KRCC1: variants seen among roughly 807,000 people sequenced by gnomAD.
KRCC1 encodes lysine-rich coiled-coil protein 1.
A neutral mutation model predicts 7.4 loss-of-function variants in KRCC1; 3 were observed. The ratio of observed to expected loss-of-function variants is 0.40; its 90% CI spans 0.18 to 1.04. The LOEUF is 1.04. Among genes scored for constraint, KRCC1 ranks in the 50% least tolerant of loss-of-function variants. KRCC1 has a pLI of 0.33. For missense variants in KRCC1, 277 were observed against 300.9 expected (o/e 0.92, Z 0.59); for synonymous variants, 102 against 101.6 (o/e 1.00, Z -0.02).
intron 3 of KRCC1, 79 bp downstream of exon 3, chr2:88,034,055 T>C (rs766683648): frequency 1.3e-5 from 2 of 152,632 alleles, no homozygotes; most frequent in African/African-American, 2.4e-5. Context: ...GAAGACATTA[T>C]GCTATGTGAA....
chr2:88,028,372 T>C lies in KRCC1; in HGVS notation c.192A>G (p.Pro64=), dbSNP rs756001754. ...PTYRMFDQRL[P]SETIQTYPRS... ...TTGGGTAGGTCTGGATGGTTTCAGA[T>C]GGGAGTCTCTGGTCAAACATTCTAT... The change falls in exon 4 of 4, where the codon CCA becomes CCG. Residue 64 remains proline, a synonymous_variant. Coordinates refer to ENST00000347055, the MANE Select transcript of KRCC1 (RefSeq NM_016618.3). 7.4e-6 allele frequency: 12 copies of C among 1,614,164 alleles called. No homozygotes were observed. In the South Asian group the frequency reaches 1.2e-4, roughly 16 times the overall value.
chr2:88,027,675 A>T lies in KRCC1; in HGVS notation c.*109T>A. 2.2e-6 allele frequency: 2 copies of T among 912,862 alleles called. No homozygotes were observed. The highest frequency in any genetic ancestry group is 1.6e-6 in the Non-Finnish European group (1 of 610,910). The allele number at this position is 912,862 out of a possible 1,614,324, so 56.5% of individuals were successfully genotyped here. ...CTTTGTTTACTAGGCCTTTGTTAGA[A>T]GTTAAAGAACCTATTCACATAAGAA... On this transcript the variant is annotated 3_prime_UTR_variant, in exon 4 of 4. Coordinates refer to ENST00000347055, the MANE Select transcript of KRCC1 (RefSeq NM_016618.3).
intron 1 of KRCC1, among the ~76,000 whole-genome samples, chr2:88,042,993 CTTT>C (rs972357048): frequency 6.6e-6 from 1 of 152,140 alleles, no homozygotes; most frequent in African/African-American, 2.4e-5. Flanking sequence ...AATTCAGCAT[CTTT>C]TTTAACACTA....
intron 3 of KRCC1, 57 bp from the exon 4 acceptor site, chr2:88,028,642 C>CTTTT (rs1419047999): frequency 1.9e-5 from 13 of 682,180 alleles, no homozygotes; most frequent in East Asian, 1.8e-4. Context: ...ATTTCCTTTG[C>CTTTT]TCTTTTTTTT....
At chr2:88,028,664 T>TTTTTTTTTTTTTTTTTTTTTTC (rs60603649) in intron 3 of KRCC1, 79 bp from the exon 4 acceptor site, 1 of 712,272 alleles carries the variant, frequency 1.4e-6, no homozygotes. Flanking sequence ...TTTTTTTTTT[T>TTTTTTTTTTTTTTTTTTTTTTC]CTTGAGATGG....
chr2:88,030,376 C>T (rs201131919), intron 3 of KRCC1, among the ~76,000 whole-genome samples: 1 of 151,124 alleles, frequency 6.6e-6, no homozygotes, highest in Non-Finnish European at 1.5e-5. Context: ...CTAAATGAAG[C>T]CTAATTTGGC....
In KRCC1 at chr2:88,053,052, G is replaced by C. The variant is rs536892049; in HGVS notation, c.-291+2574C>G. On this transcript the variant is annotated intron_variant, in intron 1 of 3. Transcript: ENST00000347055. Reference sequence around the variant, plus strand: ...GATTCTGTCTCTTGGAATTATGATTGGCTCTTCTCCCTCTCTGCTCAATGA... The same window carrying C: ...GATTCTGTCTCTTGGAATTATGATTCGCTCTTCTCCCTCTCTGCTCAATGA... Among the ~76,000 whole-genome samples, 18 of 151,646 alleles carry C rather than the reference G, an allele frequency of 1.2e-4. No homozygotes were observed. In the South Asian group the frequency reaches 3.8e-3, roughly 32 times the overall value.
At chr2:88,039,425 G>GCCT (rs1673158985) in intron 1 of KRCC1, among the ~76,000 whole-genome samples, 1 of 152,168 alleles carries the variant, frequency 6.6e-6, no homozygotes, top group African/African-American at 2.4e-5. Flanking sequence ...GATGGCTCAT[G>GCCT]CCTGTAATCC....
intron 1 of KRCC1, among the ~76,000 whole-genome samples, chr2:88,046,480 C>T (rs1387401046): frequency 6.6e-6 from 1 of 152,152 alleles, no homozygotes; most frequent in Non-Finnish European, 1.5e-5. Flanking sequence ...AGATGTTCTC[C>T]CAACCAATTA....
intron 2 of KRCC1, among the ~76,000 whole-genome samples, chr2:88,035,679 G>C (rs1004510266): frequency 7.2e-5 from 11 of 152,122 alleles, no homozygotes; most frequent in African/African-American, 2.7e-4. Context: ...GTAGGGAAAA[G>C]GACACTAACA....
At chr2:88,046,801 G>C (rs887359746) in intron 1 of KRCC1, among the ~76,000 whole-genome samples, 1 of 151,934 alleles carries the variant, frequency 6.6e-6, no homozygotes, top group African/African-American at 2.4e-5. Context: ...CTCCCCAGTA[G>C]CTGGGACTAC....
At chr2:88,052,673 C>T (rs1673519430) in intron 1 of KRCC1, among the ~76,000 whole-genome samples, 1 of 152,220 alleles carries the variant, frequency 6.6e-6, no homozygotes, top group African/African-American at 2.4e-5. Flanking sequence ...AAGCTAGGTG[C>T]ACACGACTAC....
intron 1 of KRCC1, among the ~76,000 whole-genome samples, chr2:88,039,290 T>C (rs1673155434): frequency 6.6e-6 from 1 of 152,224 alleles, no homozygotes; most frequent in South Asian, 2.1e-4. Context: ...CTAATCTTAA[T>C]ATTAATGCCA....
chr2:88,030,824 T>G (rs1298377626), intron 3 of KRCC1, among the ~76,000 whole-genome samples: 1 of 152,206 alleles, frequency 6.6e-6, no homozygotes, highest in Non-Finnish European at 1.5e-5. Context: ...GATACAGTCA[T>G]GCACTGCATA....
intron 1 of KRCC1, among the ~76,000 whole-genome samples, chr2:88,049,456 G>C (rs1168425241): frequency 7.2e-5 from 11 of 152,136 alleles, no homozygotes; most frequent in Admixed American, 6.5e-4. Context: ...GACCAGCCTA[G>C]GCAACATGGT....
chr2:88,046,340 A>G (rs1007025730), intron 1 of KRCC1, among the ~76,000 whole-genome samples: 2 of 152,222 alleles, frequency 1.3e-5, no homozygotes, highest in African/African-American at 4.8e-5. Context: ...ATATACCTCA[A>G]AAAGTTGTGG....
At chr2:88,038,981 G>A (rs1673149352) in intron 1 of KRCC1, among the ~76,000 whole-genome samples, 1 of 152,124 alleles carries the variant, frequency 6.6e-6, no homozygotes, top group Admixed American at 6.6e-5. Flanking sequence ...TATTAGACAC[G>A]CTGCTTCAGT....
At chr2:88,040,297 C>T (rs1001015350) in intron 1 of KRCC1, among the ~76,000 whole-genome samples, 2 of 152,176 alleles carry the variant, frequency 1.3e-5, no homozygotes, top group African/African-American at 4.8e-5. Flanking sequence ...CATTTTCCTC[C>T]TGAGTCATGT....
intron 1 of KRCC1, among the ~76,000 whole-genome samples, chr2:88,039,764 C>G (rs1331383512): frequency 2.0e-5 from 3 of 151,912 alleles, no homozygotes; most frequent in African/African-American, 7.3e-5. Context: ...TTACATTTGA[C>G]TCTAAGGTCA....
Sources: allele counts gnomAD v4.1 joint callset (sites outside exome capture counted in the v4.1 genomes callset), GRCh38; gene constraint gnomAD v4.1.1; transcripts MANE v1.5; gene names NCBI Gene and HGNC (gene_info 2026-07-23, HGNC 2026-07-21).